Variants in PGR observed in about 807,000 individuals in gnomAD.
PGR encodes the protein progesterone receptor, also known as nuclear receptor subfamily 3 group C member 3.
PGR carries 25 observed loss-of-function variants against 76.1 expected under a neutral mutation model. The observed-to-expected ratio is 0.33, with a 90% CI of 0.24 to 0.46. PGR has a LOEUF of 0.46. Among genes scored for constraint, PGR ranks in the 20% least tolerant of loss-of-function variants. PGR has a pLI of 1.00. For missense variants in PGR, 1,172 were observed against 1,225.3 expected (o/e 0.96, Z 0.65); for synonymous variants, 579 against 535.0 (o/e 1.08, Z -1.14).
At chr11:101,083,309 G>A (rs1861372393) in intron 3 of PGR, among the ~76,000 whole-genome samples, 1 of 152,252 alleles carries the variant, frequency 6.6e-6, no homozygotes, top group Non-Finnish European at 1.5e-5. Flanking sequence ...GCAGAAGTCT[G>A]CTTCAAGCGC....
At chr11:101,074,334 A>T (rs1234121854) in intron 3 of PGR, among the ~76,000 whole-genome samples, 1 of 152,220 alleles carries the variant, frequency 6.6e-6, no homozygotes, top group Non-Finnish European at 1.5e-5. Context: ...TCTCAAAATA[A>T]TAAGAGCTAT....
chr11:101,046,054 T>A (rs906652769), intron 6 of PGR, among the ~76,000 whole-genome samples: 1 of 151,844 alleles, frequency 6.6e-6, no homozygotes, highest in African/African-American at 2.4e-5. Flanking sequence ...TGTAAAATCA[T>A]TTTTTCTTAA....
chr11:101,108,996 G>A (rs10895065), intron 2 of PGR, among the ~76,000 whole-genome samples: 48,529 of 152,014 alleles, frequency 0.32, 8,007 homozygotes, highest in African/African-American at 0.37. Flanking sequence ...CTGCTATGGT[G>A]ATCTATGATC....
In PGR at chr11:101,062,553, T is replaced by A; in HGVS notation, c.2106A>T (p.Gly702=). The A allele has an allele frequency of 6.2e-7, 1 of 1,614,100 alleles. No homozygotes were observed. The highest frequency in any genetic ancestry group is 1.1e-5 in the South Asian group (1 of 91,084). The part of the protein sequence containing the change: ...MSIEPDVIYA[G]HDNTKPDTSS... Reference sequence around the variant, plus strand: ...AGGTGTCAGGTTTTGTGTTGTCATGTCCTGCATAGATCACATCTGGTTCAA... The same window carrying A: ...AGGTGTCAGGTTTTGTGTTGTCATGACCTGCATAGATCACATCTGGTTCAA... The change falls in exon 4 of 8, where the codon GGA becomes GGT. Residue 702 remains glycine, a synonymous_variant. Coordinates refer to ENST00000325455, the MANE Select transcript of PGR (RefSeq NM_000926.4).
intron 6 of PGR, among the ~76,000 whole-genome samples, chr11:101,046,010 C>A (rs959596834): frequency 5.3e-5 from 8 of 152,020 alleles, no homozygotes; most frequent in African/African-American, 1.7e-4. Flanking sequence ...GGTTACCAAC[C>A]AATCCCTATA....
At chr11:101,044,049 T>C (rs1367581270) in intron 6 of PGR, among the ~76,000 whole-genome samples, 2 of 152,202 alleles carry the variant, frequency 1.3e-5, no homozygotes, top group African/African-American at 4.8e-5. Context: ...CAACCTGTCA[T>C]TTGAAGCTTT....
chr11:101,042,024 A>G lies in PGR; in HGVS notation c.2567T>C (p.Ile856Thr), dbSNP rs1228592262. ...SSYIRELIKAIGLRQKGVVSS... is the reference protein window; with the variant it reads ...SSYIRELIKATGLRQKGVVSS... ...CACAACTCCTTTTTGCCTCAAACCA[A>G]TTGCCTTGATGAGCTCTCTAATGTA... Residue 856 changes from isoleucine to threonine, a missense_variant, in exon 7 of 8, where the codon ATT (isoleucine) becomes ACT (threonine). Physicochemically the swap from Ile to Thr is moderately conservative, Grantham distance 89. This residue lies in a region of PGR where 166 missense variants were observed against 296.0 expected (regional missense o/e 0.56). Coordinates refer to ENST00000325455, the MANE Select transcript of PGR (RefSeq NM_000926.4). 4 of 1,613,594 alleles carry G rather than the reference A, an allele frequency of 2.5e-6. No individual in the cohort carries two copies. Among genetic ancestry groups the G allele is most frequent in the Admixed American group, 1.7e-5 (1 of 59,940 alleles).
At chr11:101,049,907 T>C (rs1401215796) in intron 6 of PGR, 22 bp downstream of exon 6, 2 of 1,596,818 alleles carry the variant, frequency 1.3e-6, no homozygotes, top group African/African-American at 1.3e-5. Context: ...TATCTTGCAT[T>C]AAGTTACTTG....
At chr11:101,054,288 C>T (rs1056411559) in intron 4 of PGR, among the ~76,000 whole-genome samples, 3 of 151,970 alleles carry the variant, frequency 2.0e-5, no homozygotes, top group Non-Finnish European at 2.9e-5. Flanking sequence ...ATCCAAGAAT[C>T]CTGGTTTACT....
intron 2 of PGR, among the ~76,000 whole-genome samples, chr11:101,104,216 A>G (rs1164214193): frequency 6.6e-6 from 1 of 152,122 alleles, no homozygotes; most frequent in African/African-American, 2.4e-5. Flanking sequence ...CTTGTTTTTT[A>G]GTTTCTTCTT....
At chr11:101,070,535 A>T (rs545674335) in intron 3 of PGR, among the ~76,000 whole-genome samples, 2 of 152,314 alleles carry the variant, frequency 1.3e-5, no homozygotes, top group African/African-American at 4.8e-5. Context: ...AGCTCAGCAG[A>T]TACCATCCCC....
At chr11:101,061,814 G>A (rs1860509240) in intron 4 of PGR, among the ~76,000 whole-genome samples, 1 of 152,108 alleles carries the variant, frequency 6.6e-6, no homozygotes, top group South Asian at 2.1e-4. Context: ...TGCTGAGGGA[G>A]CAAAAATAGC....
At chr11:101,061,889 GAT>G (rs1860514382) in intron 4 of PGR, among the ~76,000 whole-genome samples, 1 of 152,092 alleles carries the variant, frequency 6.6e-6, no homozygotes, top group South Asian at 2.1e-4. Flanking sequence ...GTTGCTGGGC[GAT>G]ATACTCTCTT....
At chr11:101,076,682 G>T (rs1027750704) in intron 3 of PGR, among the ~76,000 whole-genome samples, 2 of 151,590 alleles carry the variant, frequency 1.3e-5, no homozygotes, top group Non-Finnish European at 2.9e-5. Context: ...GAGATTAGAA[G>T]TGAAAGCTTA....
Position 101,128,103 on chromosome 11 carries a change from A to G in PGR, c.968T>C (p.Leu323Pro). 2.5e-6 allele frequency: 4 copies of G among 1,599,266 alleles called. No homozygotes were observed. The highest frequency in any genetic ancestry group is 3.4e-6 in the Non-Finnish European group (4 of 1,179,680). ...HALLAARTRQ[L>P]LEDESYDGGA... The stretch of plus-strand genomic sequence containing the variant: ...GCCGTCGTAACTTTCGTCTTCCAGC[A>G]GCTGCCGAGTGCGGGCTGCCAATAA... The change falls in exon 1 of 8, where the codon CTG (leucine) becomes CCG (proline). Residue 323 changes from leucine to proline, a missense_variant. Leu to Pro is a moderately conservative substitution (Grantham distance 98). Transcript: ENST00000325455.
Position 101,036,396 on chromosome 11 carries a change from A to T in PGR, c.*2720T>A, listed in dbSNP as rs1210934485. ...CAAATGGCTTTTCAAACCTTTTTAC[A>T]GAAAATATTTTCATTAACTCAAGAA... On this transcript the variant is annotated 3_prime_UTR_variant, in exon 8 of 8. Transcript: ENST00000325455. The T allele has an allele frequency of 4.9e-6, 1 of 204,970 alleles. No homozygotes were observed. Among genetic ancestry groups the T allele is most frequent in the Non-Finnish European group, 1.0e-5 (1 of 100,226 alleles). The allele number at this position is 204,970 out of a possible 1,614,324, so 12.7% of individuals were successfully genotyped here. A position where few individuals can be genotyped will look rare whatever the true frequency, so the allele number is the denominator to read the frequency against.
intron 3 of PGR, among the ~76,000 whole-genome samples, chr11:101,066,195 T>C (rs1159302584): frequency 6.6e-6 from 1 of 152,204 alleles, no homozygotes; most frequent in African/African-American, 2.4e-5. Context: ...GTCATTCCTC[T>C]CCTTATCCCA....
intron 2 of PGR, among the ~76,000 whole-genome samples, chr11:101,110,973 G>T (rs1862325087): frequency 6.6e-6 from 1 of 152,100 alleles, no homozygotes; most frequent in Admixed American, 6.5e-5. Context: ...TTCAATCAGG[G>T]TATGTACATT....
chr11:101,069,631 T>C (rs893828285), intron 3 of PGR, among the ~76,000 whole-genome samples: 43 of 152,150 alleles, frequency 2.8e-4, no homozygotes, highest in Non-Finnish European at 1.3e-4. Flanking sequence ...AGTGAGAGAC[T>C]GGATAAAGAA....
Sources: gnomAD v4.1 joint callset for allele counts (sites outside exome capture counted in the v4.1 genomes callset) on GRCh38, gnomAD v4.1.1 for gene constraint, gnomAD v4.1.1 regional missense constraint, MANE v1.5 for transcripts, NCBI Gene and HGNC (gene_info 2026-07-23, HGNC 2026-07-21) for gene names.